The following SLC37A3 variants were observed in gnomAD, a reference collection of about 807,000 sequenced individuals.
SLC37A3 encodes the protein solute carrier family 37 member 3.
Under a neutral mutation model 67.1 loss-of-function variants are expected in SLC37A3, and 51 were observed. The observed-to-expected ratio is 0.76, with a 90% CI of 0.61 to 0.96. The LOEUF (loss-of-function observed/expected upper bound fraction) is 0.96, where lower values mean the gene tolerates loss of function less well. Ranked by LOEUF, SLC37A3 falls within the 40% of genes least tolerant of loss-of-function variation. The pLI, the probability that SLC37A3 is intolerant of heterozygous loss-of-function variation, is 0.00. For synonymous variants in SLC37A3, 214 were observed against 231.4 expected (o/e 0.92, Z 0.68); for missense variants, 508 against 603.0 (o/e 0.84, Z 1.65).
At chr7:140,361,522 CCCCTCCCCCTCCCTCTCTCCCTCT>C (rs1797284489) in intron 5 of SLC37A3, among the ~76,000 whole-genome samples, 8 of 78,306 alleles carry the variant, frequency 1.0e-4, no homozygotes, top group Non-Finnish European at 1.7e-4. Flanking sequence ...CCTCCCCCTC[CCCCTCCCCCTCCCTCTCTCCCTCT>C]CCGTCTCCCT....
chr7:140,396,620 A>C (rs532115708), intron 1 of SLC37A3, among the ~76,000 whole-genome samples: 3 of 152,326 alleles, frequency 2.0e-5, no homozygotes, highest in African/African-American at 7.2e-5. Flanking sequence ...GTTAATGGTC[A>C]CTGCAGTGAC....
At chr7:140,371,814 A>G (rs891342552) in intron 3 of SLC37A3, among the ~76,000 whole-genome samples, 4 of 152,144 alleles carry the variant, frequency 2.6e-5, no homozygotes, top group South Asian at 4.1e-4. Flanking sequence ...AACTTTATCT[A>G]GGGCCAGCAG....
At chr7:140,372,838 G>A (rs113260766) in intron 3 of SLC37A3, among the ~76,000 whole-genome samples, 2,948 of 151,936 alleles carry the variant, frequency 0.019, 84 homozygotes, top group African/African-American at 0.067. Context: ...ACTCCAGCCT[G>A]GGTGACAGAG....
At chr7:140,336,022 CG>C (rs1796118168) in intron 14 of SLC37A3, among the ~76,000 whole-genome samples, 1 of 152,200 alleles carries the variant, frequency 6.6e-6, no homozygotes, top group African/African-American at 2.4e-5. Flanking sequence ...GCCTGGAGTA[CG>C]GGTGGTGGAA....
Position 140,337,358 on chromosome 7 carries a change from GA to G in SLC37A3, c.1327-10del. 1 of 1,566,252 alleles carries G rather than the reference GA, an allele frequency of 6.4e-7. No individual in the cohort carries two copies. The highest frequency in any genetic ancestry group is 1.2e-5 in the South Asian group (1 of 82,646). On this transcript the variant is annotated splice_polypyrimidine_tract_variant and intron_variant, in intron 13 of 14. Transcript: ENST00000326232. ...ATCAGAGACACTAAATACTGAAAGG[GA>G]GGAAAAAAAAATTACAATATAATTC...
At chr7:140,347,682 C>T (rs1037894656) in intron 10 of SLC37A3, among the ~76,000 whole-genome samples, 1 of 151,264 alleles carries the variant, frequency 6.6e-6, no homozygotes, top group African/African-American at 2.4e-5. Context: ...GTAATACCCA[C>T]TAAAATACAT....
In SLC37A3 at chr7:140,358,783, C is replaced by T. The variant is rs1387857550; in HGVS notation, c.378G>A (p.Val126=). The change falls in exon 6 of 15, where the codon GTG becomes GTA. Residue 126 remains valine, a splice_region_variant and synonymous_variant. Transcript: ENST00000326232. The part of the protein sequence containing the change: ...SFGMCSSALV[V]FVFGALTEWL... The stretch of plus-strand genomic sequence containing the variant: ...ATTCTGTGAGCGCACCAAAGACAAA[C>T]ACCTTGAAGAGGAGGAAACAAAAGG... 1.2e-6 allele frequency: 2 copies of T among 1,613,982 alleles called. No individual in the cohort carries two copies. Among genetic ancestry groups the T allele is most frequent in the Non-Finnish European group, 1.7e-6 (2 of 1,180,018 alleles).
chr7:140,340,487 T>C (rs943794521), intron 13 of SLC37A3, among the ~76,000 whole-genome samples: 32 of 152,234 alleles, frequency 2.1e-4, no homozygotes, highest in African/African-American at 7.2e-4. Context: ...ATTACTGAAA[T>C]GTACAAGTGA....
intron 12 of SLC37A3, among the ~76,000 whole-genome samples, chr7:140,344,811 C>T (rs1321002980): frequency 2.0e-5 from 3 of 152,190 alleles, no homozygotes; most frequent in Non-Finnish European, 4.4e-5. Context: ...TCCCTAAATG[C>T]ACCCAACTAT....
chr7:140,360,671 T>C, intron 5 of SLC37A3, among the ~76,000 whole-genome samples: 1 of 148,688 alleles, frequency 6.7e-6, no homozygotes, highest in Non-Finnish European at 1.5e-5. Flanking sequence ...GAAGTGGAGG[T>C]TGCAGTGAGC....
chr7:140,362,739 C>T (rs1797397251), intron 5 of SLC37A3, among the ~76,000 whole-genome samples: 1 of 94,298 alleles, frequency 1.1e-5, no homozygotes, highest in Non-Finnish European at 2.3e-5. Flanking sequence ...GGGGTCAGCC[C>T]CCCACCCGGC....
chr7:140,393,552 C>T (rs558497074), intron 1 of SLC37A3, among the ~76,000 whole-genome samples: 21 of 152,294 alleles, frequency 1.4e-4, no homozygotes, highest in African/African-American at 4.1e-4. Flanking sequence ...TTGCTTCGGG[C>T]TTTGTGTTTG....
chr7:140,383,926 C>T (rs1338979211), intron 1 of SLC37A3, among the ~76,000 whole-genome samples: 1 of 152,196 alleles, frequency 6.6e-6, no homozygotes, highest in African/African-American at 2.4e-5. Flanking sequence ...GATCTGCCCA[C>T]CTTGACCTCC....
chr7:140,348,434 C>A lies in SLC37A3; in HGVS notation c.1024+192G>T, dbSNP rs193247606. 471 of 586,168 alleles carry A rather than the reference C, an allele frequency of 8.0e-4. 3 individuals are homozygous for A. The African/African-American group carries it at 8.2e-3, about 10-fold the overall frequency. The allele number at this position is 586,168 out of a possible 1,614,324, so 36.3% of individuals were successfully genotyped here. ...TAGGCTAGGTCTTCCTTTCTATGGA[C>A]CTCTTGTTTTTTCTTTTCTTTTCTT... On this transcript the variant is annotated intron_variant, in intron 10 of 14. Coordinates refer to ENST00000326232, the MANE Select transcript of SLC37A3 (RefSeq NM_207113.3).
rs10275605 is a variant in SLC37A3 at position 140,375,016 on chromosome 7, C to T, written c.198+5266G>A. Among the ~76,000 whole-genome samples, 1,205 of 149,656 alleles carry T rather than the reference C, an allele frequency of 8.1e-3. 22 individuals are homozygous for T. Among genetic ancestry groups the T allele is most frequent in the African/African-American group, 0.029 (1,169 of 40,640 alleles). ...CAAAAATTAGCCAGGTGTGGTGGCACGCACCTATGGTCCCAGCTACTTGGG... is the reference window on the plus strand; with the variant it reads ...CAAAAATTAGCCAGGTGTGGTGGCATGCACCTATGGTCCCAGCTACTTGGG... On this transcript the variant is annotated intron_variant, in intron 3 of 14. Coordinates refer to ENST00000326232, the MANE Select transcript of SLC37A3 (RefSeq NM_207113.3).
At chr7:140,364,289 A>G (rs1308857696) in intron 5 of SLC37A3, 119 bp downstream of exon 5, 2 of 926,966 alleles carry the variant, frequency 2.2e-6, no homozygotes, top group Admixed American at 3.0e-5. Context: ...TGAAAAGGCA[A>G]ATGAGGGATT....
At chr7:140,354,292 C>T (rs1796933888) in intron 7 of SLC37A3, among the ~76,000 whole-genome samples, 1 of 152,226 alleles carries the variant, frequency 6.6e-6, no homozygotes, top group African/African-American at 2.4e-5. Flanking sequence ...TTTTGACAGA[C>T]ACTTCCATAT....
At position 140,334,165 on chromosome 7, in the gene SLC37A3, A is replaced by G. The variant is rs1796046730; in HGVS notation, c.*1247T>C. The G allele has an allele frequency of 6.6e-6, 1 of 152,220 alleles. No individual in the cohort carries two copies. The highest frequency in any genetic ancestry group is 6.5e-5 in the Admixed American group (1 of 15,282). 9.4% of individuals were successfully genotyped at this position (152,220 alleles called of 1,614,324 possible). On this transcript the variant is annotated 3_prime_UTR_variant, in exon 15 of 15. Transcript: ENST00000326232. ...TCAGCTTCTGATTTTTGGACTTTACAATGGTGTGAAATGGTTGCAATTTCA... is the reference window on the plus strand; with the variant it reads ...TCAGCTTCTGATTTTTGGACTTTACGATGGTGTGAAATGGTTGCAATTTCA...
In SLC37A3 at chr7:140,369,608, G is replaced by T; in HGVS notation, c.273C>A (p.Phe91Leu). The T allele has an allele frequency of 1.2e-6, 2 of 1,613,994 alleles. No individual in the cohort carries two copies. Among genetic ancestry groups the T allele is most frequent in the Non-Finnish European group, 1.7e-6 (2 of 1,179,962 alleles). ...AACTTACCACAGCATAGGAGAAGAG[G>T]AAAATGGTATCCAGTGTGCCGAGGA... is the stretch of plus-strand genomic sequence containing the variant. ...TLFLGTLDTI[F>L]LFSYAVGLFI... The change falls in exon 4 of 15, where the codon TTC (phenylalanine) becomes TTA (leucine). Residue 91 changes from phenylalanine (F) to leucine (L), a missense_variant. Phe to Leu is a conservative substitution (Grantham distance 22). Transcript: ENST00000326232.
Sources: allele counts gnomAD v4.1 joint callset (sites outside exome capture counted in the v4.1 genomes callset), GRCh38; gene constraint gnomAD v4.1.1; transcripts MANE v1.5; gene names NCBI Gene and HGNC (gene_info 2026-07-23, HGNC 2026-07-21).